NBAS: variants seen among roughly 807,000 people sequenced by gnomAD.
NBAS encodes NAG/BC035112 fusion.
In NBAS, 219 loss-of-function variants were observed where a neutral mutation model predicts 302.5. That is an observed-to-expected ratio of 0.72 (90% confidence interval 0.65 to 0.81). NBAS has a LOEUF of 0.81. Among genes scored for constraint, NBAS ranks in the 30% least tolerant of loss-of-function variants. The pLI is 0.00. For synonymous variants in NBAS, 1,118 were observed against 1,021.6 expected (o/e 1.09, Z -1.80); for missense variants, 2,932 against 2,841.6 (o/e 1.03, Z -0.72).
At chr2:15,187,364 C>T (rs1202733337) in intron 49 of NBAS, among the ~76,000 whole-genome samples, 1 of 152,012 alleles carries the variant, frequency 6.6e-6, no homozygotes, top group Non-Finnish European at 1.5e-5. Flanking sequence ...TACATAAATA[C>T]TGCCTCTTGT....
chr2:14,946,671 C>T, the NBAS span, among the ~76,000 whole-genome samples: 1 of 152,166 alleles, frequency 6.6e-6, no homozygotes, highest in Non-Finnish European at 1.5e-5. Flanking sequence ...TTAAACTATA[C>T]TAGACCTAAT....
At chr2:15,065,442 T>C in the NBAS span, among the ~76,000 whole-genome samples, 1 of 152,014 alleles carries the variant, frequency 6.6e-6, no homozygotes, top group Non-Finnish European at 1.5e-5. Flanking sequence ...AGCCAACTGA[T>C]AAGGAAGAAG....
At chr2:15,309,284 T>G (rs775633175) in intron 38 of NBAS, 37 bp from the exon 39 acceptor site, 1 of 1,533,132 alleles carries the variant, frequency 6.5e-7, no homozygotes, top group Non-Finnish European at 9.0e-7. Flanking sequence ...TTACTGAGGT[T>G]GCATATGATA....
At chr2:15,017,254 G>GA in the NBAS span, among the ~76,000 whole-genome samples, 2 of 151,778 alleles carry the variant, frequency 1.3e-5, no homozygotes, top group African/African-American at 2.4e-5. Flanking sequence ...CATGGATCTG[G>GA]AAAAAATGAT....
the NBAS span, among the ~76,000 whole-genome samples, chr2:14,849,260 C>G: frequency 0.14 from 21,959 of 151,568 alleles, 3,049 homozygotes; most frequent in African/African-American, 0.36. Context: ...AACCAAGGCT[C>G]GAGAACTACG....
At chr2:15,368,423 C>T (rs1674326811) in intron 31 of NBAS, among the ~76,000 whole-genome samples, 1 of 152,068 alleles carries the variant, frequency 6.6e-6, no homozygotes, top group Admixed American at 6.6e-5. Flanking sequence ...TAGTCTAGAA[C>T]TCCTGACCTT....
the NBAS span, among the ~76,000 whole-genome samples, chr2:15,090,992 A>T: frequency 6.6e-6 from 1 of 152,206 alleles, no homozygotes; most frequent in African/African-American, 2.4e-5. Flanking sequence ...TACAACTATA[A>T]TTCAAAACAT....
In NBAS at chr2:15,190,401, T is replaced by C. The variant is rs760802406; in HGVS notation, c.6435A>G (p.Val2145=). 2 of 1,613,882 alleles carry C rather than the reference T, an allele frequency of 1.2e-6. No homozygotes were observed. Among genetic ancestry groups the C allele is most frequent in the Admixed American group, 1.7e-5 (1 of 60,002 alleles). The change falls in exon 49 of 52, where the codon GTA becomes GTG. Residue 2145 remains valine (V), a splice_region_variant and synonymous_variant. Transcript: ENST00000281513. ...ILKASWPQRQ[V]DIADIENEEN... ...CTTCATTCTCAATGTCAGCTATGTC[T>C]ACCTGGAAGAAGAAATACACACTTA...
chr2:15,519,111 C>A (rs1466557468), intron 9 of NBAS, among the ~76,000 whole-genome samples: 1 of 152,126 alleles, frequency 6.6e-6, no homozygotes, highest in Admixed American at 6.6e-5. Context: ...GTTCAACTAA[C>A]CTTTGCTAAA....
chr2:15,168,445 C>T (rs985928844), intron 51 of NBAS, among the ~76,000 whole-genome samples: 1 of 152,254 alleles, frequency 6.6e-6, no homozygotes, highest in Admixed American at 6.5e-5. Flanking sequence ...GTGAATCTTT[C>T]CTACTACCCA....
At chr2:15,347,442 ATAC>A (rs1339404698) in intron 35 of NBAS, among the ~76,000 whole-genome samples, 2 of 152,246 alleles carry the variant, frequency 1.3e-5, no homozygotes, top group African/African-American at 4.8e-5. Context: ...GCTGGCCAAG[ATAC>A]TGTAATATAA....
the NBAS span, among the ~76,000 whole-genome samples, chr2:15,027,814 T>G: frequency 0.055 from 8,297 of 152,230 alleles, 644 homozygotes; most frequent in African/African-American, 0.16. Flanking sequence ...TACGTAGTTT[T>G]ATTTGATCCC....
At chr2:15,100,781 T>TA in the NBAS span, among the ~76,000 whole-genome samples, 1 of 152,214 alleles carries the variant, frequency 6.6e-6, no homozygotes, top group Non-Finnish European at 1.5e-5. Flanking sequence ...AGAGCATTTT[T>TA]AAAAAACATT....
At chr2:15,388,373 A>ATGT (rs979062510) in intron 28 of NBAS, among the ~76,000 whole-genome samples, 9 of 151,186 alleles carry the variant, frequency 6.0e-5, no homozygotes, top group Admixed American at 5.2e-4. Flanking sequence ...TTCACTAGTC[A>ATGT]TGTAAGAAAT....
chr2:15,520,189 G>A (rs992058049), intron 9 of NBAS, among the ~76,000 whole-genome samples: 1 of 152,128 alleles, frequency 6.6e-6, no homozygotes, highest in African/African-American at 2.4e-5. Context: ...CTCACTTGAA[G>A]CCAAGAGTTA....
rs781059185 is a variant in NBAS at position 15,271,510 on chromosome 2, CCTATCTAATT to C, written c.5724+3964_5724+3973del. On this transcript the variant is annotated intron_variant, in intron 44 of 51. Coordinates refer to ENST00000281513, the MANE Select transcript of NBAS (RefSeq NM_015909.4). ...TGGGGGAAAGGGGAGTGGGTAAATA[CCTATCTAATT>C]CCAGGTTGAGTAACACTGGGCAAGG... 2.5e-3 allele frequency among the ~76,000 whole-genome samples: 376 copies of C among 152,132 alleles called. 1 individual carries two copies. The highest frequency in any genetic ancestry group is 4.7e-3 in the Admixed American group (72 of 15,260).
the NBAS span, among the ~76,000 whole-genome samples, chr2:15,032,958 T>C: frequency 3.3e-4 from 50 of 152,186 alleles, no homozygotes; most frequent in African/African-American, 1.2e-3. Flanking sequence ...GGAGGTCACC[T>C]AGCTTTCCTC....
At chr2:14,960,015 T>G in the NBAS span, among the ~76,000 whole-genome samples, 68 of 152,338 alleles carry the variant, frequency 4.5e-4, no homozygotes, top group Admixed American at 1.8e-3. Context: ...GTCAGTGTTT[T>G]GGAAATGACG....
chr2:15,189,131 G>A (rs1384148175), intron 49 of NBAS, among the ~76,000 whole-genome samples: 7 of 152,168 alleles, frequency 4.6e-5, no homozygotes, highest in African/African-American at 1.7e-4. Context: ...GTGTTATGAT[G>A]TGAGAGCCTG....
Sources: gnomAD v4.1 joint callset for allele counts (sites outside exome capture counted in the v4.1 genomes callset) on GRCh38, gnomAD v4.1.1 for gene constraint, MANE v1.5 for transcripts, NCBI Gene and HGNC (gene_info 2026-07-23, HGNC 2026-07-21) for gene names.